The following SLC18A3 variants were observed in gnomAD, a reference collection of about 807,000 sequenced individuals.
SLC18A3 encodes the protein vesicular acetylcholine transporter.
In SLC18A3, 18 loss-of-function variants were observed where a neutral mutation model predicts 24.2. That is an observed-to-expected ratio of 0.74 (90% CI 0.51 to 1.10). The LOEUF (loss-of-function observed/expected upper bound fraction) is 1.10, where lower values mean the gene tolerates loss of function less well. SLC18A3 is among the 50% of genes least tolerant of loss of function. SLC18A3 has a pLI of 0.00. For synonymous variants in SLC18A3, 415 were observed against 355.4 expected (o/e 1.17, Z -1.89); for missense variants, 744 against 750.7 (o/e 0.99, Z 0.10).
rs200094927 is a variant in SLC18A3, at chr10:49,611,664, C to G, written c.924C>G (p.Leu308=). The change falls in exon 1 of 1, where the codon CTC becomes CTG. Residue 308 remains leucine, a synonymous_variant. Transcript: ENST00000374115. Reference sequence around the variant, plus strand: ...CCTGTAACATTCCCCTCGCCTTCCTCGAACCCACCATTGCCACGTGGATGA... The same window carrying G: ...CCTGTAACATTCCCCTCGCCTTCCTGGAACCCACCATTGCCACGTGGATGA... ...LTTCNIPLAF[L]EPTIATWMKH... is the part of the protein sequence containing the mutation. 6.2e-7 allele frequency: 1 copy of G among 1,611,600 alleles called. No individual in the cohort carries two copies. The highest frequency in any genetic ancestry group is 8.5e-7 in the Non-Finnish European group (1 of 1,180,004).
rs141309326 is a variant in SLC18A3, at chr10:49,611,686, A to T, written c.946A>T (p.Met316Leu). The change falls in exon 1 of 1, where the codon ATG becomes TTG. Residue 316 changes from methionine (M) to leucine (L), a missense_variant. Around this residue, in one of 3 missense-constraint regions of SLC18A3, gnomAD observed 566 missense variants for 566.2 expected, o/e 1.00. Coordinates refer to ENST00000374115, the MANE Select transcript of SLC18A3 (RefSeq NM_003055.3). ...AFLEPTIATW[M>L]KHTMAASEWE... ...CCTCGAACCCACCATTGCCACGTGGATGAAGCATACGATGGCGGCTTCCGA... is the reference window on the plus strand; with the variant it reads ...CCTCGAACCCACCATTGCCACGTGGTTGAAGCATACGATGGCGGCTTCCGA... 2 of 1,610,396 alleles carry T rather than the reference A, an allele frequency of 1.2e-6. No individual in the cohort carries two copies. The highest frequency in any genetic ancestry group is 2.7e-5 in the African/African-American group (2 of 74,928).
rs35838405 is a variant in SLC18A3, at chr10:49,611,865, C to G, written c.1125C>G (p.Pro375=). 910 of 1,607,300 alleles carry G rather than the reference C, an allele frequency of 5.7e-4. 3 individuals carry two copies. In the African/African-American group the frequency reaches 0.011, roughly 20 times the overall value. Residue 375 remains proline, a synonymous_variant, in exon 1 of 1, where the codon CCC becomes CCG. Coordinates refer to ENST00000374115, the MANE Select transcript of SLC18A3 (RefSeq NM_003055.3). The part of the protein sequence containing the change: ...AVIGASSCIV[P]ACRSFAPLVV... ...TCGGCGCCAGCTCGTGCATCGTGCCCGCCTGCCGCTCCTTCGCGCCGCTAG... is the reference window on the plus strand; with the variant it reads ...TCGGCGCCAGCTCGTGCATCGTGCCGGCCTGCCGCTCCTTCGCGCCGCTAG...
chr10:49,611,250 C>T lies in SLC18A3; in HGVS notation c.510C>T (p.Ala170=). The change falls in exon 1 of 1, where the codon GCC becomes GCT. Residue 170 remains alanine (A), a synonymous_variant. Transcript: ENST00000374115. ...TGTTCGCCTCTACAGTCCTGTTCGC[C>T]TTCGCCGAGGACTACGCCACGCTGT... ...GVMFASTVLF[A]FAEDYATLFA... The T allele has an allele frequency of 6.2e-7, 1 of 1,613,344 alleles. No homozygotes were observed. Among genetic ancestry groups the T allele is most frequent in the Non-Finnish European group, 8.5e-7 (1 of 1,179,998 alleles).
chr10:49,612,081 C>G lies in SLC18A3; in HGVS notation c.1341C>G (p.Gly447=). Residue 447 remains glycine, a synonymous_variant, in exon 1 of 1, where the codon GGC becomes GGG. Transcript: ENST00000374115. ...CAGGCCACATTGTGCACTCGCTGGG[C>G]TTTGAGCAGCTCAGCCTTGGCATGG... ...IVAGHIVHSL[G]FEQLSLGMGL... is the part of the protein sequence containing the mutation. 6.2e-7 allele frequency: 1 copy of G among 1,613,524 alleles called. No homozygotes were observed. The highest frequency in any genetic ancestry group is 8.5e-7 in the Non-Finnish European group (1 of 1,179,918).
Position 49,612,683 on chromosome 10 carries a change from G to A in SLC18A3, c.*344G>A. 1 of 292,246 alleles carries A rather than the reference G, an allele frequency of 3.4e-6. No individual in the cohort carries two copies. 18.1% of individuals were successfully genotyped at this position (292,246 alleles called of 1,614,324 possible). A position where few individuals can be genotyped will look rare whatever the true frequency, so the allele number is the denominator to read the frequency against. On this transcript the variant is annotated 3_prime_UTR_variant, in exon 1 of 1. Transcript: ENST00000374115. ...CAAACTTGGGCCGCTGCACCGCGGC[G>A]CCTCCGCCCAAATCAATAAACTGTG...
Position 49,611,371 on chromosome 10 carries a change from A to T in SLC18A3, c.631A>T (p.Ser211Cys), listed in dbSNP as rs1173821691. 6.3e-7 allele frequency: 1 copy of T among 1,599,852 alleles called. No individual in the cohort carries two copies. Among genetic ancestry groups the T allele is most frequent in the African/African-American group, 1.3e-5 (1 of 74,930 alleles). ...ADKYPEEPER[S>C]RALGVALAFI... ...TAAGTACCCGGAGGAGCCGGAGCGC[A>T]GTCGTGCACTGGGCGTGGCGCTGGC... Residue 211 changes from serine to cysteine, a missense_variant, in exon 1 of 1, where the codon AGT becomes TGT. Ser to Cys is a moderately radical substitution (Grantham distance 112). This residue lies in a region of SLC18A3 where 566 missense variants were observed against 566.2 expected (regional missense o/e 1.00). Transcript: ENST00000374115.
chr10:49,612,473 GCCCAAAT>G lies in SLC18A3; in HGVS notation c.*138_*144del. The stretch of plus-strand genomic sequence containing the variant: ...CAGCCACTCCTCAACCTTGACTTCT[GCCCAAAT>G]CCCCTCCCTGTGACCCGTTCCATAT... On this transcript the variant is annotated 3_prime_UTR_variant, in exon 1 of 1. Coordinates refer to ENST00000374115, the MANE Select transcript of SLC18A3 (RefSeq NM_003055.3). The G allele has an allele frequency of 1.2e-6, 1 of 861,072 alleles. No homozygotes were observed. The highest frequency in any genetic ancestry group is 1.8e-6 in the Non-Finnish European group (1 of 549,620). 53.3% of individuals were successfully genotyped at this position (861,072 alleles called of 1,614,324 possible).
In SLC18A3 at chr10:49,612,381, A is replaced by G. The variant is rs760203570; in HGVS notation, c.*42A>G. ...CCAGCCCACCCAACCGCCTTGGGTC[A>G]AGGGGGCTGCTCTGCAAGCCCACTG... On this transcript the variant is annotated 3_prime_UTR_variant, in exon 1 of 1. Transcript: ENST00000374115. 3.9e-6 allele frequency: 6 copies of G among 1,540,386 alleles called. No homozygotes were observed. The highest frequency in any genetic ancestry group is 2.7e-5 in the African/African-American group (2 of 73,134).
At position 49,610,863 on chromosome 10, in the gene SLC18A3, G is replaced by A; in HGVS notation, c.123G>A (p.Val41=). The A allele has an allele frequency of 6.2e-7, 1 of 1,612,996 alleles. No individual in the cohort carries two copies. The highest frequency in any genetic ancestry group is 8.5e-7 in the Non-Finnish European group (1 of 1,179,460). The stretch of plus-strand genomic sequence containing the variant: ...GCCTGGTGCTTGTTATCGTGTGCGT[G>A]GCGCTGTTACTGGACAACATGCTGT... The part of the protein sequence containing the change: ...QRRLVLVIVC[V]ALLLDNMLYM... Residue 41 remains valine, a synonymous_variant, in exon 1 of 1, where the codon GTG becomes GTA. Transcript: ENST00000374115.
Position 49,611,034 on chromosome 10 carries a change from G to T in SLC18A3, c.294G>T (p.Ser98=), listed in dbSNP as rs1266139564. ...ANASAYTANT[S]ASPTAAWPAG... ...CCAGCGCCTACACGGCCAACACCTC[G>T]GCGTCCCCGACAGCTGCGTGGCCAG... Residue 98 remains serine, a synonymous_variant, in exon 1 of 1, where the codon TCG becomes TCT. Coordinates refer to ENST00000374115, the MANE Select transcript of SLC18A3 (RefSeq NM_003055.3). 1.9e-6 allele frequency: 3 copies of T among 1,613,934 alleles called. No individual in the cohort carries two copies. Among genetic ancestry groups the T allele is most frequent in the Admixed American group, 1.7e-5 (1 of 60,024 alleles).
At position 49,610,683 on chromosome 10, in the gene SLC18A3, G is replaced by A. The variant is rs1838264752; in HGVS notation, c.-58G>A. On this transcript the variant is annotated 5_prime_UTR_variant, in exon 1 of 1. Transcript: ENST00000374115. ...TCCCGTGCCCTCGCCTCTGCACTGC[G>A]GGACGCCAGCGCTCGGCCCTGGCGG... The A allele has an allele frequency of 1.4e-6, 2 of 1,440,268 alleles. No homozygotes were observed. The highest frequency in any genetic ancestry group is 1.8e-6 in the Non-Finnish European group (2 of 1,101,166). 89.2% of individuals were successfully genotyped at this position (1,440,268 alleles called of 1,614,324 possible). A position where few individuals can be genotyped will look rare whatever the true frequency, so the allele number is the denominator to read the frequency against.
rs776734969 is a variant in SLC18A3, at chr10:49,611,374, C to T, written c.634C>T (p.Arg212Cys). 5 of 1,599,590 alleles carry T rather than the reference C, an allele frequency of 3.1e-6. No individual in the cohort carries two copies. The Admixed American group carries it at 5.0e-5, about 16-fold the overall frequency. The change falls in exon 1 of 1, where the codon CGT becomes TGT. Residue 212 changes from arginine to cysteine, a missense_variant. Arg to Cys is a radical substitution (Grantham distance 180). Coordinates refer to ENST00000374115, the MANE Select transcript of SLC18A3 (RefSeq NM_003055.3). ...DKYPEEPERSRALGVALAFIS... is the reference protein window; with the variant it reads ...DKYPEEPERSCALGVALAFIS... Reference sequence around the variant, plus strand: ...GTACCCGGAGGAGCCGGAGCGCAGTCGTGCACTGGGCGTGGCGCTGGCCTT... The same window carrying T: ...GTACCCGGAGGAGCCGGAGCGCAGTTGTGCACTGGGCGTGGCGCTGGCCTT...
At position 49,610,611 on chromosome 10, in the gene SLC18A3, ACCTGAGGCACAGGGGAGT is replaced by A; in HGVS notation, c.-128_-111del. 1 of 890,052 alleles carries A rather than the reference ACCTGAGGCACAGGGGAGT, an allele frequency of 1.1e-6. No homozygotes were observed. Among genetic ancestry groups the A allele is most frequent in the Non-Finnish European group, 1.6e-6 (1 of 631,460 alleles). 55.1% of individuals were successfully genotyped at this position (890,052 alleles called of 1,614,324 possible). A position where few individuals can be genotyped will look rare whatever the true frequency, so the allele number is the denominator to read the frequency against. ...ACGCTGGGCCATGAGCTCCGCGGCC[ACCTGAGGCACAGGGGAGT>A]CTGCTCGGCCAGGACAGCCTCCCCG... On this transcript the variant is annotated 5_prime_UTR_variant, in exon 1 of 1. An upstream open reading frame in the 5' UTR loses its in-frame stop. Coordinates refer to ENST00000374115, the MANE Select transcript of SLC18A3 (RefSeq NM_003055.3).
chr10:49,611,633 T>G lies in SLC18A3; in HGVS notation c.893T>G (p.Leu298Arg). 6.2e-7 allele frequency: 1 copy of G among 1,611,884 alleles called. No individual in the cohort carries two copies. Among genetic ancestry groups the G allele is most frequent in the African/African-American group, 1.3e-5 (1 of 75,044 alleles). Residue 298 changes from leucine to arginine, a missense_variant, in exon 1 of 1, where the codon CTC (leucine) becomes CGC (arginine). This residue lies in a region of SLC18A3 where 566 missense variants were observed against 566.2 expected (regional missense o/e 1.00). Coordinates refer to ENST00000374115, the MANE Select transcript of SLC18A3 (RefSeq NM_003055.3). ...DPYIAVVAGA[L>R]TTCNIPLAFL... ...TACATTGCCGTGGTGGCCGGCGCGCTCACCACCTGTAACATTCCCCTCGCC... is the reference window on the plus strand; with the variant it reads ...TACATTGCCGTGGTGGCCGGCGCGCGCACCACCTGTAACATTCCCCTCGCC...
At position 49,610,667 on chromosome 10, in the gene SLC18A3, C is replaced by G; in HGVS notation, c.-74C>G. 1.4e-6 allele frequency: 2 copies of G among 1,398,920 alleles called. No homozygotes were observed. Among genetic ancestry groups the G allele is most frequent in the African/African-American group, 3.0e-5 (2 of 67,254 alleles). 86.7% of individuals were successfully genotyped at this position (1,398,920 alleles called of 1,614,324 possible). A position where few individuals can be genotyped will look rare whatever the true frequency, so the allele number is the denominator to read the frequency against. ...GACAGCCTCCCCGAAGTCCCGTGCC[C>G]TCGCCTCTGCACTGCGGGACGCCAG... On this transcript the variant is annotated 5_prime_UTR_variant, in exon 1 of 1. Transcript: ENST00000374115.
rs754092930 is a variant in SLC18A3, at chr10:49,612,383, G to A, written c.*44G>A. ...AGCCCACCCAACCGCCTTGGGTCAA[G>A]GGGGCTGCTCTGCAAGCCCACTGGC... On this transcript the variant is annotated 3_prime_UTR_variant, in exon 1 of 1. Coordinates refer to ENST00000374115, the MANE Select transcript of SLC18A3 (RefSeq NM_003055.3). 1.3e-6 allele frequency: 2 copies of A among 1,539,530 alleles called. No homozygotes were observed. Among genetic ancestry groups the A allele is most frequent in the East Asian group, 4.5e-5 (2 of 44,134 alleles).
At position 49,612,457 on chromosome 10, in the gene SLC18A3, C is replaced by T; in HGVS notation, c.*118C>T. On this transcript the variant is annotated 3_prime_UTR_variant, in exon 1 of 1. Coordinates refer to ENST00000374115, the MANE Select transcript of SLC18A3 (RefSeq NM_003055.3). Reference sequence around the variant, plus strand: ...CCTCCAGCGAGTACCCCAGCCACTCCTCAACCTTGACTTCTGCCCAAATCC... The same window carrying T: ...CCTCCAGCGAGTACCCCAGCCACTCTTCAACCTTGACTTCTGCCCAAATCC... 9.9e-7 allele frequency: 1 copy of T among 1,012,304 alleles called. No individual in the cohort carries two copies. The highest frequency in any genetic ancestry group is 1.5e-6 in the Non-Finnish European group (1 of 680,568). The allele number at this position is 1,012,304 out of a possible 1,614,324, so 62.7% of individuals were successfully genotyped here.
chr10:49,611,923 G>T lies in SLC18A3; in HGVS notation c.1183G>T (p.Ala395Ser). 6.2e-7 allele frequency: 1 copy of T among 1,612,426 alleles called. No homozygotes were observed. The highest frequency in any genetic ancestry group is 8.5e-7 in the Non-Finnish European group (1 of 1,179,662). The change falls in exon 1 of 1, where the codon GCC becomes TCC. Residue 395 changes from alanine to serine, a missense_variant. Physicochemically the swap from Ala to Ser is moderately conservative, Grantham distance 99 (BLOSUM62 1). Transcript: ENST00000374115. ...VSLCGLCFGI[A>S]LVDTALLPTL... The stretch of plus-strand genomic sequence containing the variant: ...ACTATGCGGCCTCTGTTTTGGCATA[G>T]CCCTAGTCGACACAGCACTGCTGCC...
At position 49,612,445 on chromosome 10, in the gene SLC18A3, C is replaced by A; in HGVS notation, c.*106C>A. ...CAGGGCCCACCTCCTCCAGCGAGTA[C>A]CCCAGCCACTCCTCAACCTTGACTT... is the stretch of plus-strand genomic sequence containing the variant. On this transcript the variant is annotated 3_prime_UTR_variant, in exon 1 of 1. Coordinates refer to ENST00000374115, the MANE Select transcript of SLC18A3 (RefSeq NM_003055.3). 1.8e-6 allele frequency: 2 copies of A among 1,106,872 alleles called. No individual in the cohort carries two copies. The highest frequency in any genetic ancestry group is 2.6e-6 in the Non-Finnish European group (2 of 764,298). 68.6% of individuals were successfully genotyped at this position (1,106,872 alleles called of 1,614,324 possible). A position where few individuals can be genotyped will look rare whatever the true frequency, so the allele number is the denominator to read the frequency against.
Sources: allele counts gnomAD v4.1 joint callset, GRCh38; gene constraint gnomAD v4.1.1; regional missense constraint gnomAD v4.1.1; transcripts MANE v1.5; gene names NCBI Gene and HGNC (gene_info 2026-07-23, HGNC 2026-07-21).